Variants in MYO1F observed in about 807,000 individuals in gnomAD.
MYO1F encodes unconventional myosin-If.
MYO1F carries 60 observed loss-of-function variants against 146.6 expected under a neutral mutation model. That is an observed-to-expected ratio of 0.41 (90% CI 0.33 to 0.51). The LOEUF (loss-of-function observed/expected upper bound fraction) is 0.51, where lower values mean the gene tolerates loss of function less well. Among genes scored for constraint, MYO1F ranks in the 20% least tolerant of loss-of-function variants. The pLI is 0.25. For synonymous variants in MYO1F, 602 were observed against 602.1 expected (o/e 1.00, Z 0.00); for missense variants, 1,274 against 1,534.3 (o/e 0.83, Z 2.83).
rs574563469 is a variant in MYO1F at position 8,542,310 on chromosome 19, C to T, written c.1525-319G>A. On this transcript the variant is annotated intron_variant, in intron 14 of 27. Transcript: ENST00000644032. ...GCAGCTTGCATCAGAGGCCGGGGGG[C>T]GGTGAAAGTTATAGCTCAGATTGGT... Among the ~76,000 whole-genome samples, 431 of 102,908 alleles carry T rather than the reference C, an allele frequency of 4.2e-3. 2 individuals carry two copies. The highest frequency in any genetic ancestry group is 0.015 in the African/African-American group (377 of 25,120). The allele number at this position is 102,908 out of a possible 152,430, so 67.5% of individuals were successfully genotyped here. A position where few individuals can be genotyped will look rare whatever the true frequency, so the allele number is the denominator to read the frequency against.
At position 8,530,586 on chromosome 19, in the gene MYO1F, C is replaced by A; in HGVS notation, c.2044-13G>T. ...CCAGGAGGAAAAGCTGGGCGGGGGTCGTGGGGGGCAAGGGTGAGTCCTGGT... is the reference window on the plus strand; with the variant it reads ...CCAGGAGGAAAAGCTGGGCGGGGGTAGTGGGGGGCAAGGGTGAGTCCTGGT... On this transcript the variant is annotated splice_polypyrimidine_tract_variant and intron_variant, in intron 19 of 27. Transcript: ENST00000644032. This position sits in a 1 kb window ranked among gnomAD's most constrained non-coding sequence, Gnocchi z 5.8. 6.2e-7 allele frequency: 1 copy of A among 1,602,978 alleles called. No homozygotes were observed. The highest frequency in any genetic ancestry group is 1.1e-5 in the South Asian group (1 of 90,938).
chr19:8,536,943 G>GT lies in MYO1F; in HGVS notation c.1799+5_1799+6insA, dbSNP rs1423902073. The GT allele has an allele frequency of 7.4e-7, 1 of 1,351,248 alleles. No individual in the cohort carries two copies. Among genetic ancestry groups the GT allele is most frequent in the Non-Finnish European group, 1.0e-6 (1 of 997,604 alleles). The allele number at this position is 1,351,248 out of a possible 1,614,324, so 83.7% of individuals were successfully genotyped here. On this transcript the variant is annotated splice_donor_region_variant and intron_variant, in intron 17 of 27. Coordinates refer to ENST00000644032, the MANE Select transcript of MYO1F (RefSeq NM_012335.4). ...AATGAATCTTGGATTGGTTGGGGGG[G>GT]ATCACCTGTTCTCCTCCCAGTCTCG...
At chr19:8,559,045 A>AT (rs1973968378) in intron 1 of MYO1F, among the ~76,000 whole-genome samples, 1 of 151,482 alleles carries the variant, frequency 6.6e-6, no homozygotes, top group Non-Finnish European at 1.5e-5. Flanking sequence ...AGCCCAGCTA[A>AT]TTTTTTGTAT....
Position 8,522,849 on chromosome 19 carries a change from G to T in MYO1F, c.2855-20C>A. 6.5e-7 allele frequency: 1 copy of T among 1,543,288 alleles called. No homozygotes were observed. The highest frequency in any genetic ancestry group is 1.2e-5 in the South Asian group (1 of 84,530). The stretch of plus-strand genomic sequence containing the variant: ...CCATGCCTGTGGCAGGAGCAAGGAT[G>T]AAGACATGTATTAGGGTGATGCTAG... On this transcript the variant is annotated intron_variant, in intron 25 of 27. Transcript: ENST00000644032.
chr19:8,569,541 A>C (rs528428717), intron 1 of MYO1F, among the ~76,000 whole-genome samples: 1 of 151,898 alleles, frequency 6.6e-6, no homozygotes, highest in African/African-American at 2.4e-5. Context: ...CTGGGCCCCT[A>C]CTGTGCATGG....
intron 1 of MYO1F, among the ~76,000 whole-genome samples, chr19:8,556,887 CAAAAAAAAA>C (rs534645939): frequency 1.2e-4 from 8 of 69,136 alleles, no homozygotes; most frequent in African/African-American, 2.6e-4. Context: ...AACTCTGTCT[CAAAAAAAAA>C]AAAAAAAAAA....
intron 1 of MYO1F, among the ~76,000 whole-genome samples, chr19:8,572,278 T>C (rs1027553417): frequency 3.3e-5 from 5 of 151,152 alleles, no homozygotes; most frequent in Non-Finnish European, 7.4e-5. Flanking sequence ...CATTTTTTTT[T>C]CCCCTCTGAG....
chr19:8,545,465 G>A (rs1973303528), intron 13 of MYO1F, 185 bp downstream of exon 13: 6 of 673,086 alleles, frequency 8.9e-6, no homozygotes, highest in African/African-American at 3.5e-5. Flanking sequence ...AGGTGGACAA[G>A]TAGGCGGAAT....
intron 1 of MYO1F, among the ~76,000 whole-genome samples, chr19:8,556,887 C>CAAAAAAAA (rs534645939): frequency 1.4e-5 from 1 of 69,134 alleles, no homozygotes; most frequent in Non-Finnish European, 4.0e-5. Context: ...AACTCTGTCT[C>CAAAAAAAA]AAAAAAAAAA....
chr19:8,537,140 C>T (rs368903586), intron 16 of MYO1F, 85 bp from the exon 17 acceptor site: 13 of 892,074 alleles, frequency 1.5e-5, no homozygotes, highest in African/African-American at 5.0e-5. Flanking sequence ...GATACAGTCC[C>T]AATAGACAGA....
chr19:8,531,468 C>T (rs1972484018), intron 19 of MYO1F, among the ~76,000 whole-genome samples: 1 of 152,152 alleles, frequency 6.6e-6, no homozygotes, highest in African/African-American at 2.4e-5. Context: ...CCCACCTCTG[C>T]CTCCTGAGTA....
chr19:8,576,056 G>T (rs2042234087), intron 1 of MYO1F, among the ~76,000 whole-genome samples: 1 of 152,180 alleles, frequency 6.6e-6, no homozygotes, highest in Non-Finnish European at 1.5e-5. Context: ...GAGTGCAGCG[G>T]CAGGATCTCA....
chr19:8,550,860 C>T (rs2145914222), intron 8 of MYO1F, among the ~76,000 whole-genome samples, 166 bp from the exon 9 acceptor site: 1 of 152,178 alleles, frequency 6.6e-6, no homozygotes, highest in East Asian at 1.9e-4. Flanking sequence ...AGTGCCTGCA[C>T]CTCTCTGGGC....
At chr19:8,533,056 A>G (rs1972557215) in intron 19 of MYO1F, among the ~76,000 whole-genome samples, 1 of 151,832 alleles carries the variant, frequency 6.6e-6, no homozygotes, top group Non-Finnish European at 1.5e-5. Context: ...GCTGACCAAA[A>G]TAGTTTTAAT....
At position 8,554,413 on chromosome 19, in the gene MYO1F, G is replaced by A. The variant is rs77590279; in HGVS notation, c.326+64C>T. 1,933 of 1,335,078 alleles carry A rather than the reference G, an allele frequency of 1.4e-3. 34 individuals carry two copies. The East Asian group carries it at 0.038, about 26-fold the overall frequency. 82.7% of individuals were successfully genotyped at this position (1,335,078 alleles called of 1,614,324 possible). On this transcript the variant is annotated intron_variant, in intron 4 of 27. Coordinates refer to ENST00000644032, the MANE Select transcript of MYO1F (RefSeq NM_012335.4). ...GGGAGTTTCAGGCAAACCTCCCTGG[G>A]GGTGGTGATGTTTCAGCAGGGGCCC... is the stretch of plus-strand genomic sequence containing the variant.
intron 1 of MYO1F, among the ~76,000 whole-genome samples, chr19:8,569,401 C>T (rs2042068650): frequency 6.6e-6 from 1 of 152,088 alleles, no homozygotes. Flanking sequence ...CTCTCTACCC[C>T]AAGGCTGAAG....
intron 1 of MYO1F, among the ~76,000 whole-genome samples, chr19:8,574,297 A>G (rs1294615212): frequency 4.6e-5 from 7 of 152,132 alleles, no homozygotes; most frequent in Non-Finnish European, 1.0e-4. Context: ...ACTCCTCCCC[A>G]ATTACCACAA....
intron 16 of MYO1F, among the ~76,000 whole-genome samples, chr19:8,538,528 C>T (rs1190956265): frequency 3.3e-5 from 5 of 150,934 alleles, no homozygotes; most frequent in African/African-American, 7.3e-5. Flanking sequence ...GTGATCTGCC[C>T]GATTCAGCCT....
chr19:8,538,347 T>C (rs767929475), intron 16 of MYO1F, among the ~76,000 whole-genome samples: 9 of 151,716 alleles, frequency 5.9e-5, no homozygotes, highest in African/African-American at 9.7e-5. Context: ...CAGGCTGGAG[T>C]GCAGTGGCTC....
Sources: gnomAD v4.1 joint callset for allele counts (sites outside exome capture counted in the v4.1 genomes callset) on GRCh38, gnomAD v4.1.1 for gene constraint, Gnocchi (gnomAD v3.1) non-coding constraint, MANE v1.5 for transcripts, NCBI Gene and HGNC (gene_info 2026-07-23, HGNC 2026-07-21) for gene names.